Variants in HIVEP3 observed in about 807,000 individuals in gnomAD.
The protein encoded by HIVEP3 is transcription factor HIVEP3.
In HIVEP3, 49 loss-of-function variants were observed where a neutral mutation model predicts 152.8. The ratio of observed to expected loss-of-function variants is 0.32; its 90% CI spans 0.26 to 0.41. The LOEUF (loss-of-function observed/expected upper bound fraction) is 0.41, where lower values mean the gene tolerates loss of function less well. HIVEP3 is among the 10% of genes least tolerant of loss of function. The pLI is 1.00. For missense variants in HIVEP3, 2,790 were observed against 3,103.3 expected (o/e 0.90, Z 2.40); for synonymous variants, 1,269 against 1,289.0 (o/e 0.98, Z 0.33).
At chr1:41,871,886 A>G (rs1027379036) in intron 1 of HIVEP3, among the ~76,000 whole-genome samples, 3 of 152,238 alleles carry the variant, frequency 2.0e-5, no homozygotes, top group African/African-American at 7.2e-5. Flanking sequence ...CAAGACCACC[A>G]GATCTCTTTA....
intron 1 of HIVEP3, among the ~76,000 whole-genome samples, chr1:41,940,481 T>C (rs1239230889): frequency 6.6e-6 from 1 of 152,258 alleles, no homozygotes; most frequent in Non-Finnish European, 1.5e-5. Context: ...AAATTTTATT[T>C]CTGTTATTCT....
At chr1:41,628,339 C>T (rs1483693421) in intron 3 of HIVEP3, among the ~76,000 whole-genome samples, 12 of 152,182 alleles carry the variant, frequency 7.9e-5, no homozygotes, top group Non-Finnish European at 8.8e-5. Flanking sequence ...TGGTCTTCAG[C>T]AAGAACCATT....
intron 1 of HIVEP3, among the ~76,000 whole-genome samples, chr1:41,772,581 C>T (rs990768247): frequency 2.0e-5 from 3 of 152,148 alleles, no homozygotes; most frequent in South Asian, 2.1e-4. Context: ...TCAGCAGACC[C>T]GATGTGGAGA....
At chr1:41,887,194 T>C (rs904869122) in intron 1 of HIVEP3, among the ~76,000 whole-genome samples, 3 of 152,226 alleles carry the variant, frequency 2.0e-5, no homozygotes, top group Non-Finnish European at 4.4e-5. Context: ...AGCCAAAATA[T>C]ATTCAGGGAA....
chr1:41,991,448 CA>C (rs1645360698), intron 1 of HIVEP3, among the ~76,000 whole-genome samples: 1 of 151,016 alleles, frequency 6.6e-6, no homozygotes, highest in South Asian at 2.1e-4. Flanking sequence ...ACTAAACCAG[CA>C]AGAAGTTGAA....
At chr1:41,991,587 C>G (rs1645361812) in intron 1 of HIVEP3, among the ~76,000 whole-genome samples, 1 of 148,932 alleles carries the variant, frequency 6.7e-6, no homozygotes, top group Non-Finnish European at 1.5e-5. Context: ...GAACTGGTAC[C>G]ATTCCTTCTG....
intron 1 of HIVEP3, among the ~76,000 whole-genome samples, chr1:41,875,176 C>T (rs1352410766): frequency 6.6e-6 from 1 of 152,240 alleles, no homozygotes; most frequent in Admixed American, 6.5e-5. Flanking sequence ...TTCAGGGCTC[C>T]AGCACCATCC....
chr1:41,949,452 G>A (rs1313139750), intron 1 of HIVEP3, among the ~76,000 whole-genome samples: 3 of 152,116 alleles, frequency 2.0e-5, no homozygotes, highest in Admixed American at 1.3e-4. Flanking sequence ...CTTCAAAATC[G>A]AAGAGCTTTA....
intron 6 of HIVEP3, among the ~76,000 whole-genome samples, chr1:41,523,669 C>T (rs545226888): frequency 1.3e-5 from 2 of 152,134 alleles, no homozygotes; most frequent in Non-Finnish European, 2.9e-5. Context: ...AGCAGCTGCC[C>T]AGCCTCGCTT....
intron 5 of HIVEP3, among the ~76,000 whole-genome samples, chr1:41,562,632 T>TCTCC (rs1558063160): frequency 8.3e-6 from 1 of 121,174 alleles, no homozygotes; most frequent in African/African-American, 3.6e-5. Flanking sequence ...TCTCTCTCTC[T>TCTCC]CCCTCTCTCT....
At chr1:41,758,697 A>C (rs1451312732) in intron 1 of HIVEP3, among the ~76,000 whole-genome samples, 5 of 152,268 alleles carry the variant, frequency 3.3e-5, no homozygotes, top group Admixed American at 1.3e-4. Context: ...GGCAGTGGGC[A>C]TAAAGCCAAA....
At chr1:41,994,805 C>G (rs1190304614) in intron 1 of HIVEP3, among the ~76,000 whole-genome samples, 1 of 151,744 alleles carries the variant, frequency 6.6e-6, no homozygotes, top group African/African-American at 2.4e-5. Context: ...TTACTATGTT[C>G]AAATATATAA....
intron 2 of HIVEP3, among the ~76,000 whole-genome samples, chr1:41,643,335 G>A (rs932432372): frequency 6.6e-6 from 1 of 152,180 alleles, no homozygotes; most frequent in Non-Finnish European, 1.5e-5. Flanking sequence ...ACTGTCCAGC[G>A]ACATTTATTC....
At chr1:41,678,633 C>T (rs929844121) in intron 2 of HIVEP3, among the ~76,000 whole-genome samples, 3 of 150,938 alleles carry the variant, frequency 2.0e-5, no homozygotes, top group African/African-American at 7.5e-5. Flanking sequence ...ACCCATCCCC[C>T]ACACATCAAA....
chr1:41,913,213 T>C (rs1233066937), intron 1 of HIVEP3, among the ~76,000 whole-genome samples: 1 of 152,250 alleles, frequency 6.6e-6, no homozygotes, highest in Non-Finnish European at 1.5e-5. Flanking sequence ...GAATGGAACC[T>C]GATTCAGGAG....
chr1:41,626,730 C>T (rs1645123346), intron 3 of HIVEP3, among the ~76,000 whole-genome samples: 1 of 152,148 alleles, frequency 6.6e-6, no homozygotes, highest in African/African-American at 2.4e-5. Context: ...GTTGAGGTAC[C>T]AGGAAGTGCC....
intron 1 of HIVEP3, among the ~76,000 whole-genome samples, chr1:41,894,210 C>T (rs966455316): frequency 5.9e-5 from 9 of 152,132 alleles, no homozygotes; most frequent in African/African-American, 2.2e-4. Flanking sequence ...ATTTAATCTT[C>T]CTAATCACCC....
intron 1 of HIVEP3, among the ~76,000 whole-genome samples, chr1:41,723,616 A>T (rs1364013477): frequency 6.6e-6 from 1 of 152,114 alleles, no homozygotes; most frequent in African/African-American, 2.4e-5. Context: ...CTACTTGTAC[A>T]TTTCATTTTA....
chr1:41,647,023 A>T (rs6700578), intron 2 of HIVEP3, among the ~76,000 whole-genome samples: 140,207 of 152,242 alleles, frequency 0.92, 64,735 homozygotes, highest in East Asian at 1. Context: ...TCACACTGCA[A>T]CCTCCTGGCA....
Sources: gnomAD v4.1 joint callset for allele counts (sites outside exome capture counted in the v4.1 genomes callset) on GRCh38, gnomAD v4.1.1 for gene constraint, MANE v1.5 for transcripts, NCBI Gene and HGNC (gene_info 2026-07-23, HGNC 2026-07-21) for gene names.